Variants in CRYBG3 observed in about 807,000 individuals in gnomAD.
CRYBG3 encodes the protein crystallin beta-gamma domain containing 3.
CRYBG3 carries 127 observed loss-of-function variants against 244.2 expected under a neutral mutation model. The ratio of observed to expected loss-of-function variants is 0.52; its 90% CI spans 0.45 to 0.60. The LOEUF is 0.60. Ranked by LOEUF, CRYBG3 falls within the 20% of genes least tolerant of loss-of-function variation. The probability of loss-of-function intolerance (pLI) is 0.00; values close to 1 mark genes in which losing one functional copy is unlikely to be tolerated. For missense variants in CRYBG3, 3,325 were observed against 3,442.5 expected (o/e 0.97, Z 0.85); for synonymous variants, 1,132 against 1,195.8 (o/e 0.95, Z 1.10).
At chr3:97,907,940 T>C (rs1246281401) in intron 15 of CRYBG3, among the ~76,000 whole-genome samples, 4 of 152,054 alleles carry the variant, frequency 2.6e-5, no homozygotes, top group South Asian at 2.1e-4. Flanking sequence ...GATTCTGGTA[T>C]GTTGTGTCTT....
intron 10 of CRYBG3, among the ~76,000 whole-genome samples, chr3:97,890,519 TC>T (rs1410790666): frequency 9.9e-5 from 15 of 152,164 alleles, no homozygotes; most frequent in African/African-American, 3.4e-4. Flanking sequence ...TTTGTGGCTT[TC>T]CCATCAAAGA....
At chr3:97,937,718 C>T (rs1444412676) in intron 19 of CRYBG3, among the ~76,000 whole-genome samples, 8 of 152,040 alleles carry the variant, frequency 5.3e-5, no homozygotes, top group Admixed American at 5.2e-4. Context: ...CCATGTTTTG[C>T]TCATTGCTCT....
chr3:97,939,239 GCTAC>G (rs977855858), intron 19 of CRYBG3, among the ~76,000 whole-genome samples: 66 of 151,868 alleles, frequency 4.3e-4, no homozygotes, highest in African/African-American at 1.5e-3. Flanking sequence ...TGCGTTAGGA[GCTAC>G]CTGATTCCTA....
intron 15 of CRYBG3, among the ~76,000 whole-genome samples, chr3:97,901,921 G>A (rs2039710680): frequency 6.6e-6 from 1 of 152,146 alleles, no homozygotes; most frequent in Non-Finnish European, 1.5e-5. Context: ...TGTGAAATAA[G>A]CATTTCTGAC....
chr3:97,846,048 G>A (rs952871017), intron 2 of CRYBG3, among the ~76,000 whole-genome samples: 2 of 152,156 alleles, frequency 1.3e-5, no homozygotes, highest in African/African-American at 4.8e-5. Context: ...TGCTCAGTAT[G>A]TAGTCGCTGA....
At chr3:97,843,507 T>C (rs2038852700) in intron 2 of CRYBG3, among the ~76,000 whole-genome samples, 1 of 152,320 alleles carries the variant, frequency 6.6e-6, no homozygotes, top group South Asian at 2.1e-4. Context: ...CTAACCCAAC[T>C]GTGTGATCTT....
At chr3:97,860,686 G>A (rs1002367742) in intron 2 of CRYBG3, among the ~76,000 whole-genome samples, 1 of 152,138 alleles carries the variant, frequency 6.6e-6, no homozygotes, top group South Asian at 2.1e-4. Flanking sequence ...CTTGACTCCT[G>A]TCTGCCTTTT....
chr3:97,930,281 C>T (rs1233336263), intron 17 of CRYBG3, among the ~76,000 whole-genome samples: 3 of 151,898 alleles, frequency 2.0e-5, no homozygotes, highest in Non-Finnish European at 2.9e-5. Flanking sequence ...ATCAGTAACT[C>T]AACAAGTAGA....
At chr3:97,929,378 T>C (rs2040074033) in intron 17 of CRYBG3, among the ~76,000 whole-genome samples, 1 of 151,960 alleles carries the variant, frequency 6.6e-6, no homozygotes, top group African/African-American at 2.4e-5. Context: ...GGGAAATGTA[T>C]CAGAAAAATA....
Position 97,875,876 on chromosome 3 carries a change from A to G in CRYBG3, c.4682A>G (p.Tyr1561Cys). Residue 1561 changes from tyrosine (Y) to cysteine (C), a missense_variant, in exon 4 of 22, where the codon TAT becomes TGT. Physicochemically the swap from Tyr to Cys is radical, Grantham distance 194 (BLOSUM62 -2). This residue lies in a region of CRYBG3 where 635 missense variants were observed against 771.7 expected (regional missense o/e 0.82). Transcript: ENST00000389622. ...KKDAELNILK[Y>C]EAVPPMIEMG... ...GATGCTGAATTGAATATTCTGAAAT[A>G]TGAGGCAGTCCCTCCTATGATAGAA... 2 of 1,232,006 alleles carry G rather than the reference A, an allele frequency of 1.6e-6. No individual in the cohort carries two copies. Among genetic ancestry groups the G allele is most frequent in the Non-Finnish European group, 2.0e-6 (2 of 987,892 alleles). The allele number at this position is 1,232,006 out of a possible 1,614,324, so 76.3% of individuals were successfully genotyped here. A position where few individuals can be genotyped will look rare whatever the true frequency, so the allele number is the denominator to read the frequency against.
chr3:97,884,721 C>T (rs1017659203), intron 7 of CRYBG3, among the ~76,000 whole-genome samples: 30 of 152,006 alleles, frequency 2.0e-4, no homozygotes, highest in African/African-American at 5.5e-4. Flanking sequence ...GAATAGCCAC[C>T]GTGAAGATAG....
intron 17 of CRYBG3, among the ~76,000 whole-genome samples, chr3:97,920,291 C>T (rs2039969630): frequency 6.6e-6 from 1 of 152,096 alleles, no homozygotes; most frequent in East Asian, 1.9e-4. Context: ...TTCTCAGATA[C>T]CTATTCTTGG....
At chr3:97,832,789 A>G (rs2038672792) in intron 1 of CRYBG3, among the ~76,000 whole-genome samples, 3 of 152,160 alleles carry the variant, frequency 2.0e-5, no homozygotes, top group African/African-American at 7.2e-5. Flanking sequence ...GGCAACCTAC[A>G]GGATGGGAGA....
At chr3:97,878,404 C>G (rs533502910) in intron 4 of CRYBG3, among the ~76,000 whole-genome samples, 2 of 152,182 alleles carry the variant, frequency 1.3e-5, no homozygotes, top group Admixed American at 1.3e-4. Flanking sequence ...AGTGAGACTC[C>G]GTCTCAAACA....
At chr3:97,889,794 C>T (rs1271106541) in intron 10 of CRYBG3, among the ~76,000 whole-genome samples, 1 of 152,070 alleles carries the variant, frequency 6.6e-6, no homozygotes, top group Non-Finnish European at 1.5e-5. Context: ...GTGTAGGTAG[C>T]TCTTATCAGG....
At chr3:97,910,414 G>A (rs931113732) in intron 15 of CRYBG3, among the ~76,000 whole-genome samples, 2 of 150,362 alleles carry the variant, frequency 1.3e-5, no homozygotes, top group African/African-American at 2.5e-5. Context: ...TGTGGGCGTA[G>A]GACCCTCCGA....
chr3:97,867,429 A>G (rs1477636625), intron 3 of CRYBG3, among the ~76,000 whole-genome samples: 4 of 152,174 alleles, frequency 2.6e-5, no homozygotes, highest in African/African-American at 7.2e-5. Context: ...GGCTGCTATT[A>G]CAGGATTTTC....
intron 1 of CRYBG3, among the ~76,000 whole-genome samples, chr3:97,831,990 G>T (rs754070999): frequency 2.6e-4 from 40 of 151,758 alleles, no homozygotes; most frequent in Admixed American, 2.6e-4. Context: ...GAAAATCTTT[G>T]CAATTATCAT....
chr3:97,941,107 TTC>T, intron 19 of CRYBG3, 39 bp from the exon 20 acceptor site: 1 of 1,549,112 alleles, frequency 6.5e-7, no homozygotes, highest in Non-Finnish European at 8.8e-7. Context: ...CATTTCCAGA[TTC>T]AAAAGTTTAT....
Sources: allele counts gnomAD v4.1 joint callset (sites outside exome capture counted in the v4.1 genomes callset), GRCh38; gene constraint gnomAD v4.1.1; regional missense constraint gnomAD v4.1.1; transcripts MANE v1.5; gene names NCBI Gene and HGNC (gene_info 2026-07-23, HGNC 2026-07-21).